TENM4: variants seen among roughly 807,000 people sequenced by gnomAD.
TENM4 encodes teneurin transmembrane protein 4.
A neutral mutation model predicts 243.3 loss-of-function variants in TENM4; 82 were observed. The ratio of observed to expected loss-of-function variants is 0.34; its 90% CI spans 0.28 to 0.40. TENM4 has a LOEUF of 0.40. Among genes scored for constraint, TENM4 ranks in the 10% least tolerant of loss-of-function variants. The pLI is 1.00. For synonymous variants in TENM4, 1,412 were observed against 1,456.3 expected, an observed-to-expected ratio of 0.97 and a Z score of 0.69; for missense variants, 3,138 against 3,673.3, an observed-to-expected ratio of 0.85 and a Z score of 3.77.
At chr11:78,726,057 G>C in intron 23 of TENM4, 22 bp downstream of exon 23, 2 of 1,613,344 alleles carry the variant, frequency 1.2e-6, no homozygotes, top group Non-Finnish European at 1.7e-6. Context: ...CCTGGTTCAA[G>C]TAATTCTATT....
At chr11:78,959,202 G>A (rs1021018524) in intron 6 of TENM4, among the ~76,000 whole-genome samples, 4 of 151,928 alleles carry the variant, frequency 2.6e-5, no homozygotes, top group African/African-American at 9.7e-5. Flanking sequence ...GCACCAAACT[G>A]TTAAACGTAG....
At chr11:79,100,459 C>T (rs1339995295) in intron 4 of TENM4, among the ~76,000 whole-genome samples, 1 of 152,148 alleles carries the variant, frequency 6.6e-6, no homozygotes, top group Non-Finnish European at 1.5e-5. Context: ...TCATCCCCAC[C>T]TCAACCTTTA....
intron 3 of TENM4, among the ~76,000 whole-genome samples, chr11:79,162,415 T>A: frequency 1.3e-5 from 2 of 152,098 alleles, no homozygotes; most frequent in Admixed American, 1.3e-4. Flanking sequence ...AAATACTAAA[T>A]AAGTATTAAT....
At chr11:78,951,112 A>G (rs777829581) in intron 6 of TENM4, among the ~76,000 whole-genome samples, 5 of 152,258 alleles carry the variant, frequency 3.3e-5, no homozygotes, top group Non-Finnish European at 2.9e-5. Flanking sequence ...GGATGGATGG[A>G]GAGTGGGCTG....
At chr11:78,834,966 G>A (rs998507878) in intron 12 of TENM4, among the ~76,000 whole-genome samples, 3 of 152,090 alleles carry the variant, frequency 2.0e-5, no homozygotes, top group African/African-American at 7.2e-5. Flanking sequence ...TCAGCATTCC[G>A]TGTCTCCACA....
chr11:78,786,836 C>G, intron 16 of TENM4, 62 bp downstream of exon 16: 1 of 1,554,816 alleles, frequency 6.4e-7, no homozygotes, highest in South Asian at 1.2e-5. Flanking sequence ...CCTGAAATGC[C>G]CCAACAGACA....
intron 18 of TENM4, among the ~76,000 whole-genome samples, chr11:78,759,220 G>A (rs565186026): frequency 6.6e-6 from 1 of 152,160 alleles, no homozygotes; most frequent in African/African-American, 2.4e-5. Context: ...GCCTAGCAAA[G>A]CACCTGTCTT....
At chr11:78,716,496 C>A (rs1286453819) in intron 25 of TENM4, among the ~76,000 whole-genome samples, 1 of 152,184 alleles carries the variant, frequency 6.6e-6, no homozygotes. Flanking sequence ...TGGGCTGATG[C>A]AGAATAAGTA....
intron 2 of TENM4, among the ~76,000 whole-genome samples, chr11:79,297,076 C>A (rs2135391588): frequency 6.6e-6 from 1 of 152,276 alleles, no homozygotes; most frequent in East Asian, 1.9e-4. Context: ...AGGACTTGAG[C>A]CCAGAACGCT....
At chr11:79,132,477 T>C (rs930391947) in intron 4 of TENM4, among the ~76,000 whole-genome samples, 2 of 151,526 alleles carry the variant, frequency 1.3e-5, no homozygotes, top group East Asian at 1.9e-4. Context: ...ATTTAAACTA[T>C]ACCTTGGAAC....
At chr11:78,972,129 AC>A (rs1857557582) in intron 6 of TENM4, among the ~76,000 whole-genome samples, 2 of 152,338 alleles carry the variant, frequency 1.3e-5, no homozygotes, top group African/African-American at 4.8e-5. Flanking sequence ...TTTTAAAAAA[AC>A]AATAAATGTT....
chr11:78,861,956 G>A (rs2136220818), intron 10 of TENM4, among the ~76,000 whole-genome samples: 1 of 152,262 alleles, frequency 6.6e-6, no homozygotes, highest in Non-Finnish European at 1.5e-5. Context: ...ATCTTTCTGG[G>A]TGCCAATTTT....
At chr11:79,141,905 T>C (rs544393373) in intron 4 of TENM4, among the ~76,000 whole-genome samples, 1 of 152,256 alleles carries the variant, frequency 6.6e-6, no homozygotes, top group East Asian at 1.9e-4. Flanking sequence ...CATATAATCA[T>C]TTCAATTGAT....
At chr11:78,836,813 T>C (rs775920861) in intron 12 of TENM4, among the ~76,000 whole-genome samples, 1 of 152,186 alleles carries the variant, frequency 6.6e-6, no homozygotes, top group Non-Finnish European at 1.5e-5. Context: ...GCTAATGGTT[T>C]TAACTTAATG....
intron 15 of TENM4, among the ~76,000 whole-genome samples, chr11:78,805,055 G>T (rs183066883): frequency 1.0e-3 from 154 of 152,260 alleles, no homozygotes; most frequent in Admixed American, 1.6e-3. Flanking sequence ...TTGTTAAGGG[G>T]TAGTTTTGAA....
chr11:78,724,011 C>T (rs892047716), intron 23 of TENM4, among the ~76,000 whole-genome samples: 1 of 151,446 alleles, frequency 6.6e-6, no homozygotes, highest in Non-Finnish European at 1.5e-5. Flanking sequence ...TTCTTTCTTG[C>T]CTACCCTCCC....
At chr11:79,150,300 A>C (rs535516913) in intron 3 of TENM4, among the ~76,000 whole-genome samples, 1 of 152,182 alleles carries the variant, frequency 6.6e-6, no homozygotes, top group African/African-American at 2.4e-5. Context: ...GTGGCTCTCA[A>C]ATAAGCCTGG....
intron 15 of TENM4, among the ~76,000 whole-genome samples, chr11:78,793,276 C>T (rs1196113519): frequency 6.6e-6 from 1 of 152,114 alleles, no homozygotes; most frequent in Non-Finnish European, 1.5e-5. Flanking sequence ...AGAAGGGCCC[C>T]CGCCCAAAGA....
At chr11:78,722,603 G>A (rs1269432089) in intron 24 of TENM4, 65 bp downstream of exon 24, 2 of 1,562,438 alleles carry the variant, frequency 1.3e-6, no homozygotes. Flanking sequence ...AGGTAATGTG[G>A]CGGGGCCCAA....
Sources: allele counts gnomAD v4.1 joint callset (sites outside exome capture counted in the v4.1 genomes callset), GRCh38; gene constraint gnomAD v4.1.1; transcripts MANE v1.5; gene names NCBI Gene and HGNC (gene_info 2026-07-23, HGNC 2026-07-21).